Variants in PAPPA observed in about 807,000 individuals in gnomAD.
PAPPA encodes pappalysin 1, also known as pappalysin-1.
Under a neutral mutation model 164.0 loss-of-function variants are expected in PAPPA, and 60 were observed. The observed-to-expected ratio is 0.37, with a 90% CI of 0.30 to 0.45. PAPPA has a LOEUF of 0.45. PAPPA is among the 20% of genes least tolerant of loss of function. The pLI is 1.00. For missense variants in PAPPA, 1,782 were observed against 2,087.3 expected (o/e 0.85, Z 2.85); for synonymous variants, 875 against 814.1 (o/e 1.07, Z -1.27).
chr9:116,313,329 T>G (rs1487076992), intron 10 of PAPPA, among the ~76,000 whole-genome samples: 1 of 152,122 alleles, frequency 6.6e-6, no homozygotes, highest in Non-Finnish European at 1.5e-5. Context: ...ATGACTCATA[T>G]GTGCAGGTGG....
intron 17 of PAPPA, among the ~76,000 whole-genome samples, chr9:116,359,594 T>C (rs964653436): frequency 4.6e-5 from 7 of 152,236 alleles, no homozygotes; most frequent in Non-Finnish European, 7.3e-5. Context: ...TCAGCAATAA[T>C]TGACTATGAA....
rs67162181 is a variant in PAPPA, at chr9:116,250,013, A to ATGTGTGTGTG, written c.2732+14406_2732+14415dup. 4.2e-3 allele frequency among the ~76,000 whole-genome samples: 598 copies of ATGTGTGTGTG among 143,636 alleles called. 4 individuals carry two copies. The highest frequency in any genetic ancestry group is 0.015 in the African/African-American group (562 of 37,790). The allele number at this position is 143,636 out of a possible 152,430, so 94.2% of individuals were successfully genotyped here. The stretch of plus-strand genomic sequence containing the variant: ...TACATGCATGCATGAGTACCTGCAT[A>ATGTGTGTGTG]TGTGTGTGTGTGTGTGTGTGTGTGT... On this transcript the variant is annotated intron_variant, in intron 7 of 21. Coordinates refer to ENST00000328252, the MANE Select transcript of PAPPA (RefSeq NM_002581.5).
In PAPPA at chr9:116,396,781, G is replaced by A. The variant is rs530408284; in HGVS notation, c.*165G>A. The stretch of plus-strand genomic sequence containing the variant: ...ACCCAGGAAGGACTCACATTGGGGC[G>A]AATGAACCAAGTTTCGCCATGCTGG... On this transcript the variant is annotated 3_prime_UTR_variant, in exon 22 of 22. Transcript: ENST00000328252. The A allele has an allele frequency of 3.3e-4, 198 of 591,536 alleles. 2 individuals carry two copies. The highest frequency in any genetic ancestry group is 1.4e-3 in the South Asian group (66 of 46,746). The allele number at this position is 591,536 out of a possible 1,614,324, so 36.6% of individuals were successfully genotyped here.
At chr9:116,190,241 A>T (rs1189126818) in intron 2 of PAPPA, among the ~76,000 whole-genome samples, 3 of 152,198 alleles carry the variant, frequency 2.0e-5, no homozygotes, top group East Asian at 1.9e-4. Flanking sequence ...TAGACTCCCA[A>T]GAGGTACCTC....
chr9:116,276,404 C>T (rs1845198703), intron 9 of PAPPA, among the ~76,000 whole-genome samples: 1 of 152,130 alleles, frequency 6.6e-6, no homozygotes, highest in South Asian at 2.1e-4. Context: ...TTTGACTTTC[C>T]ACCCTGTATT....
intron 9 of PAPPA, among the ~76,000 whole-genome samples, chr9:116,295,553 C>CA (rs56171405): frequency 0.67 from 76,674 of 114,448 alleles, 26,112 homozygotes; most frequent in East Asian, 0.94. Context: ...GACTCGGTCT[C>CA]AAAAAAAAAA....
At chr9:116,319,808 A>G (rs1456195747) in intron 10 of PAPPA, among the ~76,000 whole-genome samples, 1 of 152,162 alleles carries the variant, frequency 6.6e-6, no homozygotes, top group Non-Finnish European at 1.5e-5. Flanking sequence ...TATCTGTAGG[A>G]CAAACAAGAA....
intron 2 of PAPPA, among the ~76,000 whole-genome samples, chr9:116,202,836 A>T (rs929672187): frequency 6.6e-6 from 1 of 152,206 alleles, no homozygotes; most frequent in African/African-American, 2.4e-5. Context: ...AATTAAAAAA[A>T]TATGTATTTA....
At chr9:116,376,061 G>A (rs891043977) in intron 19 of PAPPA, among the ~76,000 whole-genome samples, 91 of 139,950 alleles carry the variant, frequency 6.5e-4, no homozygotes, top group African/African-American at 2.3e-3. Flanking sequence ...TCGCTCTGTC[G>A]CCAGGCTAGA....
intron 10 of PAPPA, among the ~76,000 whole-genome samples, chr9:116,328,821 A>G (rs1278745292): frequency 6.6e-6 from 1 of 152,178 alleles, no homozygotes; most frequent in Non-Finnish European, 1.5e-5. Context: ...GTCTAACCCA[A>G]CATTCGGATG....
At chr9:116,176,097 T>C (rs572822390) in intron 1 of PAPPA, among the ~76,000 whole-genome samples, 1 of 152,282 alleles carries the variant, frequency 6.6e-6, no homozygotes, top group African/African-American at 2.4e-5. Context: ...GAAGGTCTAC[T>C]GGAAGAAGTA....
chr9:116,356,988 G>A (rs1376346065), intron 17 of PAPPA, among the ~76,000 whole-genome samples: 2 of 152,172 alleles, frequency 1.3e-5, no homozygotes, highest in Non-Finnish European at 2.9e-5. Context: ...AACCTGAGAA[G>A]GAGGCACCCA....
chr9:116,183,054 T>C (rs1843925739), intron 1 of PAPPA, among the ~76,000 whole-genome samples: 1 of 152,188 alleles, frequency 6.6e-6, no homozygotes, highest in African/African-American at 2.4e-5. Flanking sequence ...CTATATCCCC[T>C]GGGATCATCC....
chr9:116,273,193 G>A (rs898264103), intron 9 of PAPPA, among the ~76,000 whole-genome samples: 1 of 152,160 alleles, frequency 6.6e-6, no homozygotes, highest in Admixed American at 6.5e-5. Context: ...AGATGCTTGA[G>A]CCTTGACATT....
At chr9:116,243,333 G>A (rs1238140621) in intron 7 of PAPPA, among the ~76,000 whole-genome samples, 1 of 152,158 alleles carries the variant, frequency 6.6e-6, no homozygotes, top group Non-Finnish European at 1.5e-5. Flanking sequence ...AATATGATTT[G>A]TAGCATTTAC....
rs1844774345 is a variant in PAPPA at position 116,244,583 on chromosome 9, C to T, written c.2732+8946C>T. ...AAGAGGTTATAATAGAGTATACATC[C>T]CCCTTAAATTAAGAGAGAGTCTGTA... is the stretch of plus-strand genomic sequence containing the variant. On this transcript the variant is annotated intron_variant, in intron 7 of 21. Transcript: ENST00000328252. Among the ~76,000 whole-genome samples the T allele has an allele frequency of 2.6e-5, 4 of 152,068 alleles. No homozygotes were observed. The South Asian group carries it at 8.3e-4, about 32-fold the overall frequency.
At position 116,187,900 on chromosome 9, in the gene PAPPA, C is replaced by G. The variant is rs755910737; in HGVS notation, c.1162C>G (p.Gln388Glu). 1.2e-6 allele frequency: 2 copies of G among 1,614,162 alleles called. No individual in the cohort carries two copies. Among genetic ancestry groups the G allele is most frequent in the Non-Finnish European group, 1.7e-6 (2 of 1,180,034 alleles). Residue 388 changes from glutamine to glutamate, a missense_variant, in exon 2 of 22, where the codon CAA becomes GAA. Gln to Glu is a conservative substitution (Grantham distance 29). This residue lies in a region of PAPPA where 1,324 missense variants were observed against 1,656.9 expected (regional missense o/e 0.80). Transcript: ENST00000328252. This position sits in a 1 kb window ranked among gnomAD's most constrained non-coding sequence, Gnocchi z 4.2. ...QHHQLAEAFK[Q>E]YNISWELDVL... ...CCATCAGCTGGCTGAGGCCTTCAAG[C>G]AATACAACATCTCCTGGGAGCTGGA... is the stretch of plus-strand genomic sequence containing the variant.
At chr9:116,168,213 G>A (rs1843737114) in intron 1 of PAPPA, among the ~76,000 whole-genome samples, 1 of 152,156 alleles carries the variant, frequency 6.6e-6, no homozygotes, top group Non-Finnish European at 1.5e-5. Flanking sequence ...AGTTTATTAG[G>A]AAAGGTAAAT....
chr9:116,269,033 A>G (rs762405321), intron 8 of PAPPA, among the ~76,000 whole-genome samples: 10 of 152,166 alleles, frequency 6.6e-5, no homozygotes, highest in Non-Finnish European at 1.2e-4. Flanking sequence ...ATCCATAGCA[A>G]CAGGTTCTAC....
Sources: gnomAD v4.1 joint callset for allele counts (sites outside exome capture counted in the v4.1 genomes callset) on GRCh38, gnomAD v4.1.1 for gene constraint, gnomAD v4.1.1 regional missense constraint, Gnocchi (gnomAD v3.1) non-coding constraint, MANE v1.5 for transcripts, NCBI Gene and HGNC (gene_info 2026-07-23, HGNC 2026-07-21) for gene names.